TCF12: variants seen among roughly 807,000 people sequenced by gnomAD.
The protein encoded by TCF12 is transcription factor 12.
TCF12 carries 45 observed loss-of-function variants against 86.0 expected under a neutral mutation model. The observed-to-expected ratio is 0.52, with a 90% CI of 0.41 to 0.67. TCF12 has a LOEUF of 0.67. TCF12 is among the 30% of genes least tolerant of loss of function. TCF12 has a pLI of 0.00. For synonymous variants in TCF12, 330 were observed against 299.6 expected (o/e 1.10, Z -1.05); for missense variants, 881 against 859.9 (o/e 1.02, Z -0.31).
intron 4 of TCF12, among the ~76,000 whole-genome samples, chr15:57,084,440 A>G (rs183639504): frequency 2.0e-4 from 30 of 152,298 alleles, no homozygotes; most frequent in African/African-American, 6.5e-4. Context: ...CTGTTTTACA[A>G]TGTACCGGGT....
intron 8 of TCF12, among the ~76,000 whole-genome samples, chr15:57,212,339 A>G (rs1406708446): frequency 6.6e-6 from 1 of 152,128 alleles, no homozygotes; most frequent in African/African-American, 2.4e-5. Context: ...GCTAGAGTAC[A>G]GTGGCACAAT....
intron 6 of TCF12, among the ~76,000 whole-genome samples, chr15:57,189,592 A>G (rs2056873072): frequency 6.6e-6 from 1 of 152,206 alleles, no homozygotes; most frequent in African/African-American, 2.4e-5. Flanking sequence ...AACAGAAACT[A>G]GGCAAGGATA....
At chr15:56,939,964 C>T (rs1234152522) in intron 3 of TCF12, among the ~76,000 whole-genome samples, 4 of 119,802 alleles carry the variant, frequency 3.3e-5, no homozygotes, top group African/African-American at 6.7e-5. Context: ...ACTTTAATAG[C>T]GTGTTTTTTT....
chr15:56,961,639 A>G (rs1416115390), intron 3 of TCF12, among the ~76,000 whole-genome samples: 3 of 152,218 alleles, frequency 2.0e-5, no homozygotes, highest in East Asian at 3.8e-4. Context: ...TCATGTTTCA[A>G]ACTGCTGGTC....
chr15:57,138,445 G>T (rs1442019573), intron 5 of TCF12, among the ~76,000 whole-genome samples: 1 of 152,160 alleles, frequency 6.6e-6, no homozygotes, highest in Non-Finnish European at 1.5e-5. Context: ...TGGGATGTGG[G>T]TTTGCCTGGG....
chr15:57,155,661 T>G (rs913684424), intron 5 of TCF12, among the ~76,000 whole-genome samples: 3 of 152,078 alleles, frequency 2.0e-5, no homozygotes, highest in Non-Finnish European at 2.9e-5. Context: ...CCTATGTGGG[T>G]GTGTGTGCCT....
intron 8 of TCF12, among the ~76,000 whole-genome samples, chr15:57,203,304 C>T (rs1296090700): frequency 6.6e-6 from 1 of 152,106 alleles, no homozygotes; most frequent in East Asian, 1.9e-4. Context: ...CTTTATGGCC[C>T]TCTGAAGCAT....
In TCF12 at chr15:57,253,415, A is replaced by C; in HGVS notation, c.1414A>C (p.Asn472His). ...CCATAATGCACCAATTGGAAGCCTCAATTCAAACTATGGAGGATCAAGCCT... is the reference window on the plus strand; with the variant it reads ...CCATAATGCACCAATTGGAAGCCTCCATTCAAACTATGGAGGATCAAGCCT... ...PSHNAPIGSL[N>H]SNYGGSSLVA... Residue 472 changes from asparagine to histidine, a missense_variant, in exon 16 of 21, where the codon AAT becomes CAT. Transcript: ENST00000333725. 1.2e-6 allele frequency: 2 copies of C among 1,614,096 alleles called. No individual in the cohort carries two copies. The highest frequency in any genetic ancestry group is 1.7e-6 in the Non-Finnish European group (2 of 1,179,986).
chr15:57,075,790 C>CTTTA (rs1491306568), intron 4 of TCF12, among the ~76,000 whole-genome samples: 1 of 58,264 alleles, frequency 1.7e-5, no homozygotes. Context: ...TTCTTTCTTT[C>CTTTA]TTTCTTTCTT....
At chr15:57,183,024 T>A (rs1446541461) in intron 6 of TCF12, among the ~76,000 whole-genome samples, 1 of 152,208 alleles carries the variant, frequency 6.6e-6, no homozygotes, top group African/African-American at 2.4e-5. Context: ...CTACTTGTTA[T>A]CACTTTAATA....
chr15:57,008,131 CTT>C (rs767016884), intron 3 of TCF12, among the ~76,000 whole-genome samples: 8 of 138,874 alleles, frequency 5.8e-5, no homozygotes, highest in Non-Finnish European at 7.9e-5. Context: ...TGGCTGATTT[CTT>C]TTTTTTTTTT....
intron 3 of TCF12, among the ~76,000 whole-genome samples, chr15:57,045,932 A>G (rs1171631771): frequency 2.0e-5 from 3 of 152,202 alleles, no homozygotes; most frequent in South Asian, 2.1e-4. Context: ...TTAAGAGGCA[A>G]TACCACAAAT....
intron 7 of TCF12, among the ~76,000 whole-genome samples, chr15:57,193,487 G>T (rs1326548525): frequency 6.6e-6 from 1 of 152,150 alleles, no homozygotes; most frequent in Non-Finnish European, 1.5e-5. Context: ...ACTGCTTACA[G>T]CAAGCCTTAG....
At chr15:57,214,991 T>C (rs2151836101) in intron 8 of TCF12, among the ~76,000 whole-genome samples, 1 of 152,302 alleles carries the variant, frequency 6.6e-6, no homozygotes, top group Non-Finnish European at 1.5e-5. Context: ...TTAAATAATA[T>C]GCATTGAATG....
chr15:57,006,260 T>C (rs1172224087), intron 3 of TCF12, among the ~76,000 whole-genome samples: 3 of 152,144 alleles, frequency 2.0e-5, no homozygotes, highest in African/African-American at 4.8e-5. Flanking sequence ...ACTATACTTA[T>C]TTTTACCAGA....
At chr15:56,958,018 A>G (rs1022439255) in intron 3 of TCF12, among the ~76,000 whole-genome samples, 1 of 152,198 alleles carries the variant, frequency 6.6e-6, no homozygotes. Context: ...AATAGGCACT[A>G]TTACTGGCCT....
chr15:56,984,697 A>T (rs1456980625), intron 3 of TCF12, among the ~76,000 whole-genome samples: 1 of 152,214 alleles, frequency 6.6e-6, no homozygotes, highest in Non-Finnish European at 1.5e-5. Flanking sequence ...AATGTGTGCA[A>T]GGTCTGTGGT....
intron 8 of TCF12, among the ~76,000 whole-genome samples, chr15:57,227,301 A>G (rs1239722689): frequency 6.6e-6 from 1 of 152,142 alleles, no homozygotes; most frequent in Admixed American, 6.5e-5. Context: ...TGTTAATTAC[A>G]GGAAAGATGT....
chr15:57,069,625 T>C (rs2069192654), intron 4 of TCF12, among the ~76,000 whole-genome samples: 1 of 151,644 alleles, frequency 6.6e-6, no homozygotes, highest in Non-Finnish European at 1.5e-5. Context: ...TGTAGATTTG[T>C]GCTGTATGTA....
Sources: allele counts gnomAD v4.1 joint callset (sites outside exome capture counted in the v4.1 genomes callset), GRCh38; gene constraint gnomAD v4.1.1; transcripts MANE v1.5; gene names NCBI Gene and HGNC (gene_info 2026-07-23, HGNC 2026-07-21).